The following VMP1 variants were observed in gnomAD, a reference collection of about 807,000 sequenced individuals.
The protein encoded by VMP1 is vacuole membrane protein 1.
A neutral mutation model predicts 56.0 loss-of-function variants in VMP1; 11 were observed. The ratio of observed to expected loss-of-function variants is 0.20; its 90% CI spans 0.12 to 0.32. The LOEUF is 0.32. Ranked by LOEUF, VMP1 falls within the 10% of genes least tolerant of loss-of-function variation. The probability of loss-of-function intolerance (pLI) is 1.00; values close to 1 mark genes in which losing one functional copy is unlikely to be tolerated. For synonymous variants in VMP1, 149 were observed against 165.0 expected (o/e 0.90, Z 0.74); for missense variants, 296 against 490.3 (o/e 0.60, Z 3.74).
intron 7 of VMP1, among the ~76,000 whole-genome samples, chr17:59,804,984 GT>G (rs1403035325): frequency 1.1e-4 from 16 of 152,200 alleles, no homozygotes; most frequent in African/African-American, 3.9e-4. Flanking sequence ...CACTGTGTAT[GT>G]TAAATACATA....
chr17:59,756,439 C>T (rs1448077714), intron 5 of VMP1, among the ~76,000 whole-genome samples: 1 of 152,198 alleles, frequency 6.6e-6, no homozygotes, highest in Admixed American at 6.5e-5. Flanking sequence ...TGAATCAGCA[C>T]AGGATTCTTG....
chr17:59,723,609 C>G (rs1051253125), intron 1 of VMP1, among the ~76,000 whole-genome samples: 2 of 151,992 alleles, frequency 1.3e-5, no homozygotes, highest in Non-Finnish European at 2.9e-5. Context: ...GTAAGTGGAG[C>G]CTGTATATGT....
intron 1 of VMP1, among the ~76,000 whole-genome samples, chr17:59,723,030 G>A (rs1248894633): frequency 6.6e-6 from 1 of 152,156 alleles, no homozygotes; most frequent in Non-Finnish European, 1.5e-5. Flanking sequence ...CTTCCCAGTA[G>A]GTCAGTGTAC....
At chr17:59,755,618 G>A (rs1004559941) in intron 5 of VMP1, among the ~76,000 whole-genome samples, 3 of 152,198 alleles carry the variant, frequency 2.0e-5, no homozygotes, top group Non-Finnish European at 4.4e-5. Context: ...GTTAAACAAA[G>A]GAAGAGATAG....
intron 7 of VMP1, 103 bp downstream of exon 7, chr17:59,773,988 TAAAAA>T: frequency 2.4e-6 from 2 of 827,542 alleles, no homozygotes; most frequent in Non-Finnish European, 1.6e-6. Flanking sequence ...ACTGCTAAAG[TAAAAA>T]AAAAAAAAAG....
At chr17:59,809,365 G>A (rs1392237993) in intron 8 of VMP1, among the ~76,000 whole-genome samples, 2 of 135,828 alleles carry the variant, frequency 1.5e-5, no homozygotes, top group Non-Finnish European at 3.1e-5. Flanking sequence ...GGCCCAGGCT[G>A]GAGTGCAATG....
At position 59,737,525 on chromosome 17, in the gene VMP1, TG is replaced by T; in HGVS notation, c.286del (p.Glu96LysfsTer11). ...LAVLIATYYV[E>X]GVHQQYVQRI... ...CTGTGCTTATAGCTACGTATTATGT[TG>T]AAGGAGTGCATCAACAGGTGAGAGG... On this transcript the variant is annotated frameshift_variant, in exon 4 of 12. Coordinates refer to ENST00000262291, the MANE Select transcript of VMP1 (RefSeq NM_030938.5). LOFTEE classifies it high-confidence loss of function. 6.2e-7 allele frequency: 1 copy of T among 1,610,572 alleles called. No homozygotes were observed. The highest frequency in any genetic ancestry group is 8.5e-7 in the Non-Finnish European group (1 of 1,178,430).
At chr17:59,817,567 G>A in intron 9 of VMP1, 145 bp from the exon 10 acceptor site, 1 of 509,200 alleles carries the variant, frequency 2.0e-6, no homozygotes, top group Non-Finnish European at 3.5e-6. Context: ...GGACAGGATG[G>A]AAATGTTATA....
chr17:59,835,192 G>A (rs1338132960), intron 10 of VMP1, among the ~76,000 whole-genome samples: 1 of 151,500 alleles, frequency 6.6e-6, no homozygotes, highest in African/African-American at 2.4e-5. Flanking sequence ...GCAATGGCGT[G>A]GTCTCAGCTC....
Position 59,831,094 on chromosome 17 carries a change from C to T in VMP1, c.975-7201C>T, listed in dbSNP as rs368967603. 4.6e-5 allele frequency among the ~76,000 whole-genome samples: 7 copies of T among 152,112 alleles called. No individual in the cohort carries two copies. In the East Asian group the frequency reaches 5.8e-4, roughly 13 times the overall value. ...TCCCACCTCAGCCTCCCAAAGTGCT[C>T]GGATTACTGGCATGAGCCACCCTAT... is the stretch of plus-strand genomic sequence containing the variant. On this transcript the variant is annotated intron_variant, in intron 10 of 11. Transcript: ENST00000262291.
intron 7 of VMP1, among the ~76,000 whole-genome samples, chr17:59,802,295 A>C (rs954595205): frequency 2.6e-5 from 4 of 152,076 alleles, no homozygotes; most frequent in South Asian, 2.1e-4. Context: ...TAGTACAGTA[A>C]CAGGTTGTGT....
intron 6 of VMP1, among the ~76,000 whole-genome samples, chr17:59,773,201 C>T (rs1393014856): frequency 6.6e-6 from 1 of 151,668 alleles, no homozygotes; most frequent in Non-Finnish European, 1.5e-5. Flanking sequence ...ACCTCGGGAT[C>T]CGCCCGCCTC....
chr17:59,759,657 T>C (rs1007344138), intron 5 of VMP1, among the ~76,000 whole-genome samples: 13 of 152,156 alleles, frequency 8.5e-5, no homozygotes, highest in Non-Finnish European at 1.8e-4. Flanking sequence ...TACTCTTTCT[T>C]TTCTGGGTTC....
At chr17:59,794,995 CTTTT>C (rs59397471) in intron 7 of VMP1, among the ~76,000 whole-genome samples, 1 of 121,218 alleles carries the variant, frequency 8.2e-6, no homozygotes, top group Non-Finnish European at 1.6e-5. Context: ...CAGATTTGAT[CTTTT>C]TTTTTTTTTT....
intron 6 of VMP1, among the ~76,000 whole-genome samples, chr17:59,768,116 AAAATT>A (rs914533284): frequency 3.3e-5 from 5 of 152,194 alleles, no homozygotes; most frequent in Admixed American, 2.0e-4. Flanking sequence ...TCTCAAAAAA[AAAATT>A]AATTAATTTT....
intron 5 of VMP1, among the ~76,000 whole-genome samples, chr17:59,757,859 CTTTTT>C (rs66605258): frequency 4.4e-5 from 4 of 91,256 alleles, no homozygotes; most frequent in African/African-American, 1.7e-4. Flanking sequence ...TTATTTGCCA[CTTTTT>C]TTTTTTTTTT....
At chr17:59,720,047 C>A (rs564744829) in intron 1 of VMP1, among the ~76,000 whole-genome samples, 35 of 152,284 alleles carry the variant, frequency 2.3e-4, no homozygotes, top group African/African-American at 7.9e-4. Flanking sequence ...CTCATTCTTA[C>A]AAACAAAACT....
At chr17:59,718,486 G>A (rs922301391) in intron 1 of VMP1, among the ~76,000 whole-genome samples, 8 of 151,212 alleles carry the variant, frequency 5.3e-5, no homozygotes, top group African/African-American at 1.7e-4. Context: ...GTGAGCCACC[G>A]TGCCCGGCCC....
At chr17:59,823,039 C>G (rs1271655902) in intron 10 of VMP1, among the ~76,000 whole-genome samples, 2 of 152,104 alleles carry the variant, frequency 1.3e-5, no homozygotes, top group South Asian at 4.1e-4. Flanking sequence ...GAACCATGAT[C>G]ATACTACTGC....
Sources: gnomAD v4.1 joint callset for allele counts (sites outside exome capture counted in the v4.1 genomes callset) on GRCh38, gnomAD v4.1.1 for gene constraint, MANE v1.5 for transcripts, NCBI Gene and HGNC (gene_info 2026-07-23, HGNC 2026-07-21) for gene names.